Variants in DLG2 observed in about 807,000 individuals in gnomAD.
DLG2 encodes the protein disks large homolog 2.
A neutral mutation model predicts 132.5 loss-of-function variants in DLG2; 45 were observed. The observed-to-expected ratio is 0.34, with a 90% CI of 0.27 to 0.44. The LOEUF (loss-of-function observed/expected upper bound fraction) is 0.44. Ranked by LOEUF, DLG2 falls within the 20% of genes least tolerant of loss-of-function variation. The probability of loss-of-function intolerance (pLI) is 1.00; values close to 1 mark genes in which losing one functional copy is unlikely to be tolerated. For missense variants in DLG2, 1,045 were observed against 1,196.9 expected (o/e 0.87, Z 1.87); for synonymous variants, 424 against 419.6 (o/e 1.01, Z -0.13).
At chr11:84,822,180 T>C (rs189889327) in intron 6 of DLG2, among the ~76,000 whole-genome samples, 228 of 151,972 alleles carry the variant, frequency 1.5e-3, no homozygotes, top group African/African-American at 4.6e-3. Flanking sequence ...TCTCTTTGAA[T>C]GTCCAAAACA....
At chr11:83,996,910 C>A (rs1405927487) in intron 11 of DLG2, among the ~76,000 whole-genome samples, 1 of 151,646 alleles carries the variant, frequency 6.6e-6, no homozygotes, top group East Asian at 1.9e-4. Context: ...CTACTATAGT[C>A]CAAAAAGACA....
At chr11:85,595,565 A>G (rs2079689652) in intron 3 of DLG2, among the ~76,000 whole-genome samples, 1 of 152,132 alleles carries the variant, frequency 6.6e-6, no homozygotes, top group Non-Finnish European at 1.5e-5. Context: ...GTTTGGGCAC[A>G]CTAATGAACA....
At chr11:85,104,195 A>C (rs1468140898) in intron 6 of DLG2, among the ~76,000 whole-genome samples, 1 of 151,976 alleles carries the variant, frequency 6.6e-6, no homozygotes, top group Non-Finnish European at 1.5e-5. Context: ...ATGACCCAGA[A>C]ATTTCATTCC....
intron 6 of DLG2, among the ~76,000 whole-genome samples, chr11:84,789,709 A>G (rs2073508936): frequency 6.6e-6 from 1 of 151,908 alleles, no homozygotes; most frequent in Admixed American, 6.6e-5. Flanking sequence ...CCATCTCTAC[A>G]TCCCCCCATT....
intron 14 of DLG2, among the ~76,000 whole-genome samples, chr11:83,958,545 C>T (rs2087552372): frequency 6.6e-6 from 1 of 152,090 alleles, no homozygotes; most frequent in Non-Finnish European, 1.5e-5. Flanking sequence ...TGCTATTTAT[C>T]ACATTCATAA....
chr11:84,607,678 A>C (rs965673704), intron 6 of DLG2, among the ~76,000 whole-genome samples: 3 of 152,062 alleles, frequency 2.0e-5, no homozygotes, highest in African/African-American at 7.2e-5. Flanking sequence ...ACCTAAGTTC[A>C]AATTCTGGGC....
At chr11:84,490,377 A>C (rs2099161680) in intron 7 of DLG2, among the ~76,000 whole-genome samples, 1 of 152,110 alleles carries the variant, frequency 6.6e-6, no homozygotes, top group African/African-American at 2.4e-5. Context: ...AGAAAAGATG[A>C]AATTCCCAGC....
chr11:84,262,643 T>A (rs1339613074), intron 7 of DLG2, among the ~76,000 whole-genome samples: 1 of 152,252 alleles, frequency 6.6e-6, no homozygotes, highest in South Asian at 2.1e-4. Context: ...CAGTATACAC[T>A]GCACCATATT....
At chr11:84,741,451 A>T (rs2064660121) in intron 6 of DLG2, among the ~76,000 whole-genome samples, 1 of 152,072 alleles carries the variant, frequency 6.6e-6, no homozygotes, top group Non-Finnish European at 1.5e-5. Flanking sequence ...CGTACCCTTG[A>T]TCTAAGAAAC....
At chr11:85,127,613 C>T (rs2075284966) in intron 5 of DLG2, among the ~76,000 whole-genome samples, 1 of 152,108 alleles carries the variant, frequency 6.6e-6, no homozygotes, top group Non-Finnish European at 1.5e-5. Context: ...TCAATATATA[C>T]TTGTTAGATT....
intron 6 of DLG2, among the ~76,000 whole-genome samples, chr11:84,862,466 C>T (rs949584134): frequency 4.6e-5 from 7 of 152,048 alleles, no homozygotes; most frequent in Non-Finnish European, 8.8e-5. Flanking sequence ...AATCCCATTA[C>T]TGGGTATATA....
intron 6 of DLG2, among the ~76,000 whole-genome samples, chr11:84,708,293 GT>G (rs1243389394): frequency 1.3e-5 from 2 of 151,846 alleles, no homozygotes; most frequent in African/African-American, 4.8e-5. Flanking sequence ...TATAATAACA[GT>G]AAACATTATT....
At chr11:84,514,694 G>T (rs1196416420) in intron 7 of DLG2, among the ~76,000 whole-genome samples, 2 of 151,776 alleles carry the variant, frequency 1.3e-5, no homozygotes, top group African/African-American at 4.8e-5. Context: ...AGGAGAGGTG[G>T]GGATGTTTAA....
At chr11:84,373,268 A>AAAAAAAAAAAAAAAAAAAAAAAAAAAC (rs1567449347) in intron 7 of DLG2, among the ~76,000 whole-genome samples, 1 of 135,742 alleles carries the variant, frequency 7.4e-6, no homozygotes, top group Non-Finnish European at 1.5e-5. Context: ...AAAAAAACAA[A>AAAAAAAAAAAAAAAAAAAAAAAAAAAC]ACAAAAAAAA....
chr11:84,938,353 G>C (rs919681702), intron 6 of DLG2, among the ~76,000 whole-genome samples: 3 of 152,178 alleles, frequency 2.0e-5, no homozygotes, highest in South Asian at 2.1e-4. Context: ...AGAATACTAG[G>C]TGACTAAAGA....
At chr11:84,143,351 T>G in intron 9 of DLG2, among the ~76,000 whole-genome samples, 1 of 152,218 alleles carries the variant, frequency 6.6e-6, no homozygotes, top group South Asian at 2.1e-4. Context: ...AAAATGGTAA[T>G]AGAGTGAAGA....
chr11:84,277,359 C>T (rs2097792405), intron 7 of DLG2, among the ~76,000 whole-genome samples: 1 of 152,074 alleles, frequency 6.6e-6, no homozygotes. Flanking sequence ...TAAAAAGATT[C>T]ACGTCACAGG....
chr11:85,060,278 T>C (rs1292443643), intron 6 of DLG2, among the ~76,000 whole-genome samples: 1 of 151,130 alleles, frequency 6.6e-6, no homozygotes, highest in Non-Finnish European at 1.5e-5. Flanking sequence ...TATGACAAGA[T>C]TTTCATTTTT....
At chr11:85,282,309 A>T (rs1221092439) in intron 4 of DLG2, among the ~76,000 whole-genome samples, 1 of 151,948 alleles carries the variant, frequency 6.6e-6, no homozygotes, top group Admixed American at 6.6e-5. Flanking sequence ...TAGGGCAGCT[A>T]TGATTAATAA....
Sources: gnomAD v4.1 joint callset for allele counts (sites outside exome capture counted in the v4.1 genomes callset) on GRCh38, gnomAD v4.1.1 for gene constraint, MANE v1.5 for transcripts, NCBI Gene and HGNC (gene_info 2026-07-23, HGNC 2026-07-21) for gene names.